The following PARD3 variants were observed in gnomAD, a reference collection of about 807,000 sequenced individuals.
PARD3 encodes partitioning defective 3 homolog.
A neutral mutation model predicts 155.4 loss-of-function variants in PARD3; 75 were observed. The observed-to-expected ratio is 0.48, with a 90% CI of 0.40 to 0.58. The LOEUF (loss-of-function observed/expected upper bound fraction) is 0.58, where lower values mean the gene tolerates loss of function less well. Among genes scored for constraint, PARD3 ranks in the 20% least tolerant of loss-of-function variants. The pLI is 0.00. For missense variants in PARD3, 1,642 were observed against 1,721.7 expected (o/e 0.95, Z 0.82); for synonymous variants, 576 against 610.5 (o/e 0.94, Z 0.83).
At chr10:34,632,970 C>T (rs987757865) in intron 2 of PARD3, among the ~76,000 whole-genome samples, 22 of 152,196 alleles carry the variant, frequency 1.4e-4, no homozygotes, top group African/African-American at 5.1e-4. Context: ...AACCTGCAGG[C>T]CAAACAACAG....
chr10:34,645,191 ATTTTATTTTGATTTATTTT>A (rs2092800901), intron 2 of PARD3, among the ~76,000 whole-genome samples: 1 of 137,810 alleles, frequency 7.3e-6, no homozygotes, highest in African/African-American at 3.5e-5. Context: ...TTTTATTTTT[ATTTTATTTTGATTTATTTT>A]ATTTTATTTT....
chr10:34,536,158 C>T (rs1309574564), intron 2 of PARD3, among the ~76,000 whole-genome samples: 2 of 152,288 alleles, frequency 1.3e-5, no homozygotes, highest in Middle Eastern at 3.4e-3. Flanking sequence ...CTACTCAACA[C>T]CTACGCTTCC....
At chr10:34,352,502 C>T (rs544384822) in intron 14 of PARD3, among the ~76,000 whole-genome samples, 8 of 152,332 alleles carry the variant, frequency 5.3e-5, no homozygotes, top group African/African-American at 7.2e-5. Context: ...CGCGCCGCCA[C>T]GCCTGACTGG....
chr10:34,604,085 G>C (rs1165769181), intron 2 of PARD3, among the ~76,000 whole-genome samples: 2 of 152,138 alleles, frequency 1.3e-5, no homozygotes, highest in African/African-American at 4.8e-5. Context: ...GGGACCAAAA[G>C]CAAGGGCAAA....
At chr10:34,792,399 T>C (rs1841764712) in intron 1 of PARD3, among the ~76,000 whole-genome samples, 1 of 152,198 alleles carries the variant, frequency 6.6e-6, no homozygotes, top group South Asian at 2.1e-4. Flanking sequence ...TCTCTGTTTT[T>C]CTTTACTACA....
intron 22 of PARD3, among the ~76,000 whole-genome samples, chr10:34,233,558 G>T (rs908518994): frequency 2.6e-5 from 4 of 151,966 alleles, no homozygotes; most frequent in African/African-American, 9.7e-5. Flanking sequence ...CTCAAACTCA[G>T]CATGTTCTAA....
At chr10:34,348,202 G>C (rs1837629287) in intron 14 of PARD3, 87 bp from the exon 15 acceptor site, 1 of 1,185,288 alleles carries the variant, frequency 8.4e-7, no homozygotes, top group South Asian at 1.8e-5. Flanking sequence ...ACTTGCCCGA[G>C]GCCTGTATCC....
At chr10:34,425,221 T>C (rs894250700) in intron 5 of PARD3, among the ~76,000 whole-genome samples, 9 of 152,140 alleles carry the variant, frequency 5.9e-5, no homozygotes, top group Admixed American at 2.6e-4. Flanking sequence ...ATTTTCATTA[T>C]ACTTTAATGA....
intron 3 of PARD3, among the ~76,000 whole-genome samples, chr10:34,498,300 T>C (rs1432982632): frequency 2.6e-5 from 4 of 152,194 alleles, no homozygotes; most frequent in African/African-American, 9.7e-5. Context: ...GTGTGGTATG[T>C]AGGTATTCAT....
At chr10:34,580,800 A>G (rs1483262600) in intron 2 of PARD3, among the ~76,000 whole-genome samples, 2 of 152,190 alleles carry the variant, frequency 1.3e-5, no homozygotes, top group African/African-American at 4.8e-5. Context: ...TAGAGACACA[A>G]CGTATTATTC....
In PARD3 at chr10:34,791,843, T is replaced by TA. The variant is rs748001249; in HGVS notation, c.120+23032dup. 7.1e-3 allele frequency among the ~76,000 whole-genome samples: 998 copies of TA among 139,804 alleles called. 7 individuals are homozygous for TA. The highest frequency in any genetic ancestry group is 0.02 in the African/African-American group (744 of 37,982). The allele number at this position is 139,804 out of a possible 152,430, so 91.7% of individuals were successfully genotyped here. A position where few individuals can be genotyped will look rare whatever the true frequency, so the allele number is the denominator to read the frequency against. On this transcript the variant is annotated intron_variant, in intron 1 of 24. Coordinates refer to ENST00000374788, the MANE Select transcript of PARD3 (RefSeq NM_001184785.2). ...AGACACAGTCAGACCCTGCCTCGTT[T>TA]AAAAAAAAAAAAAAAAATCAGGACA...
In PARD3 at chr10:34,348,199, C is replaced by T. The variant is rs985626493; in HGVS notation, c.2068-84G>A. On this transcript the variant is annotated intron_variant, in intron 14 of 24. Coordinates refer to ENST00000374788, the MANE Select transcript of PARD3 (RefSeq NM_001184785.2). ...CATGGGAGAATTATAACAACTTGCC[C>T]GAGGCCTGTATCCAACTGGGTACCA... The T allele has an allele frequency of 1.6e-5, 20 of 1,237,518 alleles. No individual in the cohort carries two copies. In the Admixed American group the frequency reaches 2.6e-4, roughly 16 times the overall value. The allele number at this position is 1,237,518 out of a possible 1,614,324, so 76.7% of individuals were successfully genotyped here. A position where few individuals can be genotyped will look rare whatever the true frequency, so the allele number is the denominator to read the frequency against.
intron 1 of PARD3, among the ~76,000 whole-genome samples, chr10:34,739,768 G>T (rs2094975491): frequency 6.6e-6 from 1 of 152,152 alleles, no homozygotes; most frequent in South Asian, 2.1e-4. Context: ...AATAAAGTGG[G>T]AGCAGGGGAT....
At position 34,215,414 on chromosome 10, in the gene PARD3, T is replaced by C. The variant is rs115837145; in HGVS notation, c.3419+54243A>G. Reference sequence around the variant, plus strand: ...TTGAAAAATACATAAAATGTCATGATAGGCAAGCTGAAATGTCACTTTCAA... The same window carrying C: ...TTGAAAAATACATAAAATGTCATGACAGGCAAGCTGAAATGTCACTTTCAA... On this transcript the variant is annotated intron_variant, in intron 22 of 24. Coordinates refer to ENST00000374788, the MANE Select transcript of PARD3 (RefSeq NM_001184785.2). Among the ~76,000 whole-genome samples the C allele has an allele frequency of 5.1e-3, 781 of 152,356 alleles. 2 individuals are homozygous for C. The highest frequency in any genetic ancestry group is 0.017 in the African/African-American group (692 of 41,594).
At chr10:34,275,707 A>T (rs182593992) in intron 21 of PARD3, among the ~76,000 whole-genome samples, 2 of 152,304 alleles carry the variant, frequency 1.3e-5, no homozygotes, top group Admixed American at 1.3e-4. Context: ...GGAAGAAAAC[A>T]TGTTTGGTGT....
intron 1 of PARD3, among the ~76,000 whole-genome samples, chr10:34,745,652 A>G (rs1835216305): frequency 6.6e-6 from 1 of 152,166 alleles, no homozygotes; most frequent in Non-Finnish European, 1.5e-5. Flanking sequence ...TTGCTTAAAA[A>G]ATTGTAGCTG....
At chr10:34,454,284 T>C (rs2077216283) in intron 4 of PARD3, among the ~76,000 whole-genome samples, 1 of 152,126 alleles carries the variant, frequency 6.6e-6, no homozygotes, top group African/African-American at 2.4e-5. Flanking sequence ...AAGCTGTGTA[T>C]CTGTATTTAT....
chr10:34,629,257 A>T (rs1479638830), intron 2 of PARD3, among the ~76,000 whole-genome samples: 1 of 152,178 alleles, frequency 6.6e-6, no homozygotes, highest in African/African-American at 2.4e-5. Context: ...AGTTCAATAA[A>T]ACCTGTTAAA....
At chr10:34,587,987 G>A (rs1482657195) in intron 2 of PARD3, among the ~76,000 whole-genome samples, 2 of 152,036 alleles carry the variant, frequency 1.3e-5, no homozygotes, top group Non-Finnish European at 1.5e-5. Flanking sequence ...CAATAGACTC[G>A]CATTTTCATT....
Sources: gnomAD v4.1 joint callset for allele counts (sites outside exome capture counted in the v4.1 genomes callset) on GRCh38, gnomAD v4.1.1 for gene constraint, MANE v1.5 for transcripts, NCBI Gene and HGNC (gene_info 2026-07-23, HGNC 2026-07-21) for gene names.